NNMT: variants seen among roughly 807,000 people sequenced by gnomAD.
NNMT encodes nicotinamide N-methyltransferase.
A neutral mutation model predicts 11.7 loss-of-function variants in NNMT; 10 were observed. That is an observed-to-expected ratio of 0.85 (90% CI 0.53 to 1.45). The LOEUF (loss-of-function observed/expected upper bound fraction) is 1.45, where lower values mean the gene tolerates loss of function less well. NNMT is among the 40% of genes most tolerant of loss of function. The pLI is 0.00. For synonymous variants in NNMT, 143 were observed against 133.8 expected (o/e 1.07, Z -0.48); for missense variants, 381 against 319.4 (o/e 1.19, Z -1.47).
chr11:114,284,800 TG>T (rs1945286165), intron 2 of NNMT, among the ~76,000 whole-genome samples: 1 of 142,810 alleles, frequency 7.0e-6, no homozygotes, highest in Non-Finnish European at 1.5e-5. Flanking sequence ...AGCAGAGTAT[TG>T]CTCTGTCACC....
rs116191762 is a variant in NNMT, at chr11:114,286,200, T to C, written c.-129-10228T>C. On this transcript the variant is annotated intron_variant, in intron 2 of 4. Transcript: ENST00000535401. ...ACTTGGGAAGACCAATATTATCAAG[T>C]AGACTTGATCTCTAAATTTGTGCTT... Among the ~76,000 whole-genome samples, 870 of 152,328 alleles carry C rather than the reference T, an allele frequency of 5.7e-3. 7 individuals are homozygous for C. Among genetic ancestry groups the C allele is most frequent in the African/African-American group, 0.019 (805 of 41,574 alleles).
rs1037572879 is a variant in NNMT at position 114,277,960 on chromosome 11, G to A, written c.-130+15026G>A. 9.9e-5 allele frequency among the ~76,000 whole-genome samples: 15 copies of A among 152,218 alleles called. No individual in the cohort carries two copies. The East Asian group carries it at 1.2e-3, about 12-fold the overall frequency. On this transcript the variant is annotated intron_variant, in intron 2 of 4. Coordinates refer to the NNMT transcript ENST00000535401. ...ACCTACTCTGCCTCTTTTTCTCTCCGTTAGTTCTGACATCGGTAGTTTTTA... is the reference window on the plus strand; with the variant it reads ...ACCTACTCTGCCTCTTTTTCTCTCCATTAGTTCTGACATCGGTAGTTTTTA...
chr11:114,302,825 G>A, intron 2 of NNMT, among the ~76,000 whole-genome samples: 1 of 152,100 alleles, frequency 6.6e-6, no homozygotes, highest in East Asian at 1.9e-4. Flanking sequence ...GGTCATGGAG[G>A]TGGAGACTTC....
At chr11:114,270,160 T>C (rs1255180126) in intron 2 of NNMT, among the ~76,000 whole-genome samples, 2 of 152,254 alleles carry the variant, frequency 1.3e-5, no homozygotes, top group African/African-American at 2.4e-5. Flanking sequence ...AACAATTTCT[T>C]TGAGGCTTTT....
At chr11:114,265,542 G>C (rs184232867) in intron 2 of NNMT, among the ~76,000 whole-genome samples, 1 of 152,148 alleles carries the variant, frequency 6.6e-6, no homozygotes, top group East Asian at 1.9e-4. Flanking sequence ...ACCTCTGGGA[G>C]ATTATTCCTT....
chr11:114,291,951 A>C (rs1945338410), upstream of NNMT, among the ~76,000 whole-genome samples: 1 of 152,178 alleles, frequency 6.6e-6, no homozygotes, highest in Non-Finnish European at 1.5e-5. Flanking sequence ...AGTTCTGGAA[A>C]ATTCTCTGTC....
At position 114,312,199 on chromosome 11, in the gene NNMT, C is replaced by A; in HGVS notation, c.517C>A (p.Leu173Ile). Residue 173 changes from leucine (L) to isoleucine (I), a missense_variant, in exon 3 of 3, where the codon CTC becomes ATC. Transcript: ENST00000299964. ...TLCLDAACPDLPTYCRALRNL... is the reference protein window; with the variant it reads ...TLCLDAACPDIPTYCRALRNL... Reference sequence around the variant, plus strand: ...GTGTCTGGATGCCGCCTGCCCAGACCTCCCCACCTACTGCAGGGCGCTCAG... The same window carrying A: ...GTGTCTGGATGCCGCCTGCCCAGACATCCCCACCTACTGCAGGGCGCTCAG... 6.2e-7 allele frequency: 1 copy of A among 1,614,232 alleles called. No homozygotes were observed.
At position 114,312,728 on chromosome 11, in the gene NNMT, A is replaced by G; in HGVS notation, c.*251A>G. 1 of 478,468 alleles carries G rather than the reference A, an allele frequency of 2.1e-6. No homozygotes were observed. Among genetic ancestry groups the G allele is most frequent in the Non-Finnish European group, 3.7e-6 (1 of 269,634 alleles). The allele number at this position is 478,468 out of a possible 1,614,324, so 29.6% of individuals were successfully genotyped here. On this transcript the variant is annotated 3_prime_UTR_variant, in exon 3 of 3. Transcript: ENST00000299964. Reference sequence around the variant, plus strand: ...CCAGTCTTCATTGCCTGTGCTTACAAAAGAAGACCTCACTTCCCTAAACAT... The same window carrying G: ...CCAGTCTTCATTGCCTGTGCTTACAGAAGAAGACCTCACTTCCCTAAACAT...
chr11:114,261,440 C>T (rs930534318), intron 1 of NNMT, among the ~76,000 whole-genome samples: 6 of 152,042 alleles, frequency 3.9e-5, no homozygotes, highest in African/African-American at 9.7e-5. Flanking sequence ...ATAAATTAGC[C>T]GGGTGTGGTG....
At chr11:114,311,321 C>A (rs771946100) in intron 2 of NNMT, among the ~76,000 whole-genome samples, 54 of 152,184 alleles carry the variant, frequency 3.5e-4, no homozygotes, top group Non-Finnish European at 6.9e-4. Flanking sequence ...CAGAACAGGA[C>A]CCTGTCTCTA....
chr11:114,299,610 A>G (rs1272488392), intron 2 of NNMT, among the ~76,000 whole-genome samples: 5 of 152,132 alleles, frequency 3.3e-5, no homozygotes, highest in Admixed American at 3.3e-4. Context: ...TCCTTCTTAA[A>G]TGATTGATAG....
In NNMT at chr11:114,312,583, C is replaced by T. The variant is rs541564614; in HGVS notation, c.*106C>T. ...CTGAGTAGAGGCTCAGTGGTTGGGG[C>T]CCAATGGTTCATCTAGGACGGGACT... On this transcript the variant is annotated 3_prime_UTR_variant, in exon 3 of 3. Transcript: ENST00000299964. The T allele has an allele frequency of 1.6e-5, 18 of 1,124,628 alleles. No individual in the cohort carries two copies. Among genetic ancestry groups the T allele is most frequent in the Non-Finnish European group, 2.3e-5 (18 of 781,590 alleles). 69.7% of individuals were successfully genotyped at this position (1,124,628 alleles called of 1,614,324 possible). A position where few individuals can be genotyped will look rare whatever the true frequency, so the allele number is the denominator to read the frequency against.
chr11:114,298,311 T>C (rs1945404893), intron 2 of NNMT, 153 bp downstream of exon 2: 1 of 639,854 alleles, frequency 1.6e-6, no homozygotes, highest in African/African-American at 1.8e-5. Context: ...GGCCCATGTG[T>C]GTGCATGTTA....
chr11:114,267,213 C>G lies in NNMT; in HGVS notation c.-130+4279C>G, dbSNP rs1047681142. Among the ~76,000 whole-genome samples, 5 of 152,304 alleles carry G rather than the reference C, an allele frequency of 3.3e-5. No homozygotes were observed. In the East Asian group the frequency reaches 9.6e-4, roughly 29 times the overall value. ...CCAGGTGGCAGAGGTTGCAGTTCAC[C>G]AAGATCACGTCACTGCAGTCCAGCC... On this transcript the variant is annotated intron_variant, in intron 2 of 4. Coordinates refer to the NNMT transcript ENST00000535401.
chr11:114,284,670 G>A (rs1289317735), intron 2 of NNMT, among the ~76,000 whole-genome samples: 1 of 151,176 alleles, frequency 6.6e-6, no homozygotes, highest in African/African-American at 2.4e-5. Flanking sequence ...CACCGTGTTA[G>A]CCAGGATGGT....
upstream of NNMT, among the ~76,000 whole-genome samples, chr11:114,292,549 C>T (rs577565302): frequency 4.6e-5 from 7 of 152,192 alleles, no homozygotes; most frequent in South Asian, 2.1e-4. Context: ...ACCAGCAGAC[C>T]GTGTGGGAAG....
At chr11:114,262,342 C>T (rs1249264733) in intron 1 of NNMT, among the ~76,000 whole-genome samples, 3 of 152,162 alleles carry the variant, frequency 2.0e-5, no homozygotes, top group Non-Finnish European at 2.9e-5. Flanking sequence ...TATTCTTCCT[C>T]ATGCTCTCCC....
intron 2 of NNMT, among the ~76,000 whole-genome samples, chr11:114,282,079 C>A (rs1310826849): frequency 1.3e-5 from 2 of 152,036 alleles, no homozygotes; most frequent in Non-Finnish European, 2.9e-5. Flanking sequence ...ATTAAAAACG[C>A]CAGGCATGGT....
At chr11:114,297,288 C>G (rs1196974123) in intron 1 of NNMT, 1 of 152,084 alleles carries the variant, frequency 6.6e-6, no homozygotes, top group Admixed American at 6.5e-5. Context: ...CAACATGCCT[C>G]CACCCTGGAT....
Sources: gnomAD v4.1 joint callset for allele counts (sites outside exome capture counted in the v4.1 genomes callset) on GRCh38, gnomAD v4.1.1 for gene constraint, MANE v1.5 for transcripts, NCBI Gene and HGNC (gene_info 2026-07-23, HGNC 2026-07-21) for gene names.